Variants in DOCK10 observed in about 807,000 individuals in gnomAD.
DOCK10 encodes dedicator of cytokinesis 10, also known as dedicator of cytokinesis protein 10.
Under a neutral mutation model 280.1 loss-of-function variants are expected in DOCK10, and 145 were observed. The ratio of observed to expected loss-of-function variants is 0.52; its 90% CI spans 0.45 to 0.59. The LOEUF is 0.59. Ranked by LOEUF, DOCK10 falls within the 20% of genes least tolerant of loss-of-function variation. DOCK10 has a pLI of 0.00. For missense variants in DOCK10, 2,368 were observed against 2,651.7 expected, an observed-to-expected ratio of 0.89 and a Z score of 2.35; for synonymous variants, 915 against 942.2, an observed-to-expected ratio of 0.97 and a Z score of 0.53.
intron 1 of DOCK10, among the ~76,000 whole-genome samples, chr2:224,959,285 A>G (rs1704226102): frequency 6.6e-6 from 1 of 152,176 alleles, no homozygotes; most frequent in Admixed American, 6.5e-5. Flanking sequence ...CCTCAGGCAA[A>G]AACAGTAATC....
chr2:225,036,843 T>C (rs1690272856), intron 1 of DOCK10, among the ~76,000 whole-genome samples: 1 of 152,178 alleles, frequency 6.6e-6, no homozygotes, highest in Non-Finnish European at 1.5e-5. Flanking sequence ...TTAATAGTGA[T>C]GTATTTTATT....
intron 47 of DOCK10, among the ~76,000 whole-genome samples, 189 bp downstream of exon 47, chr2:224,792,785 T>G (rs1692289391): frequency 6.6e-6 from 1 of 152,252 alleles, no homozygotes; most frequent in South Asian, 2.1e-4. Context: ...TTTTCAGTTA[T>G]TTAAATTTTA....
chr2:224,958,190 C>T (rs952018979), intron 1 of DOCK10, among the ~76,000 whole-genome samples: 6 of 152,180 alleles, frequency 3.9e-5, no homozygotes, highest in African/African-American at 1.4e-4. Context: ...TAATAAAATG[C>T]TCAGTGGATG....
intron 7 of DOCK10, among the ~76,000 whole-genome samples, chr2:224,880,812 T>C (rs1201641866): frequency 6.6e-6 from 1 of 152,196 alleles, no homozygotes. Flanking sequence ...TATTTAATTA[T>C]ACCTATTATG....
Position 224,874,248 on chromosome 2 carries a change from G to A in DOCK10, c.1101+18C>T. ...TATGGATCAAGTTCATATCTGCTTA[G>A]AAAAAATTTTGACTTACATCTATGT... On this transcript the variant is annotated intron_variant, in intron 10 of 55. Transcript: ENST00000258390. 5 of 1,609,502 alleles carry A rather than the reference G, an allele frequency of 3.1e-6. No individual in the cohort carries two copies. The highest frequency in any genetic ancestry group is 3.4e-6 in the Non-Finnish European group (4 of 1,177,744).
intron 1 of DOCK10, among the ~76,000 whole-genome samples, chr2:224,943,657 G>C (rs572907077): frequency 6.6e-6 from 1 of 150,962 alleles, no homozygotes; most frequent in South Asian, 2.1e-4. Context: ...ATCTTTATTT[G>C]TTGGGCATTT....
intron 3 of DOCK10, among the ~76,000 whole-genome samples, chr2:224,905,692 A>T (rs981208364): frequency 6.6e-6 from 1 of 152,154 alleles, no homozygotes; most frequent in Non-Finnish European, 1.5e-5. Flanking sequence ...CCCCATCTTG[A>T]TTCTTCTTTG....
rs764030668 is a variant in DOCK10 at position 224,874,035 on chromosome 2, C to T, written c.1218G>A (p.Gln406=). 3 of 1,613,364 alleles carry T rather than the reference C, an allele frequency of 1.9e-6. No individual in the cohort carries two copies. Among genetic ancestry groups the T allele is most frequent in the East Asian group, 2.2e-5 (1 of 44,844 alleles). The change falls in exon 11 of 56, where the codon CAG becomes CAA. Residue 406 remains glutamine, a synonymous_variant. Transcript: ENST00000258390. ...CATTTTCATTCTCCGTAACACATCC[C>T]TGAAGATTTGAGTTGAGGGCTTTAC... ...IICKALNSNL[Q]GCVTENENDP... is the part of the protein sequence containing the mutation.
At chr2:224,854,488 T>C (rs1696971310) in intron 16 of DOCK10, among the ~76,000 whole-genome samples, 3 of 152,076 alleles carry the variant, frequency 2.0e-5, no homozygotes. Context: ...GTGTTCAGAG[T>C]AACCCTCTGG....
At chr2:224,986,289 C>A (rs1705971864) in intron 1 of DOCK10, among the ~76,000 whole-genome samples, 2 of 152,180 alleles carry the variant, frequency 1.3e-5, no homozygotes, top group Non-Finnish European at 2.9e-5. Context: ...ACAAAATCAG[C>A]CTCAAGGGCT....
intron 1 of DOCK10, among the ~76,000 whole-genome samples, chr2:225,039,362 A>G (rs1690351673): frequency 6.6e-6 from 1 of 152,234 alleles, no homozygotes; most frequent in Admixed American, 6.5e-5. Context: ...TGATCTTCGA[A>G]TGAGTTGTCT....
At chr2:224,848,965 A>T (rs115044093) in intron 19 of DOCK10, among the ~76,000 whole-genome samples, 3,333 of 152,124 alleles carry the variant, frequency 0.022, 120 homozygotes, top group African/African-American at 0.075. Flanking sequence ...TCTTTTTTTT[A>T]AATTTAAATT....
At chr2:224,881,491 T>C (rs1275316779) in intron 7 of DOCK10, among the ~76,000 whole-genome samples, 1 of 152,364 alleles carries the variant, frequency 6.6e-6, no homozygotes, top group East Asian at 1.9e-4. Flanking sequence ...AGAATAAATG[T>C]ATGTATGTGG....
chr2:224,942,082 T>A (rs1405990426), intron 1 of DOCK10, among the ~76,000 whole-genome samples: 1 of 152,194 alleles, frequency 6.6e-6, no homozygotes, highest in African/African-American at 2.4e-5. Flanking sequence ...TAGCAAATGG[T>A]CCAGCCCATG....
intron 1 of DOCK10, among the ~76,000 whole-genome samples, chr2:224,973,194 C>T (rs1212351320): frequency 6.6e-6 from 1 of 152,180 alleles, no homozygotes; most frequent in African/African-American, 2.4e-5. Flanking sequence ...CTTGAATTCA[C>T]TCAGTGAATC....
At chr2:224,910,862 C>T (rs16866337) in intron 3 of DOCK10, among the ~76,000 whole-genome samples, 2,212 of 152,224 alleles carry the variant, frequency 0.015, 54 homozygotes, top group African/African-American at 0.05. Context: ...TTATCTTTAT[C>T]CTTAAAATCA....
At chr2:224,979,994 T>C (rs1162872126) in intron 1 of DOCK10, among the ~76,000 whole-genome samples, 1 of 151,000 alleles carries the variant, frequency 6.6e-6, no homozygotes, top group Non-Finnish European at 1.5e-5. Flanking sequence ...CAATACTTGG[T>C]GACTAATGGG....
chr2:224,774,190 T>G (rs995293271), intron 52 of DOCK10, among the ~76,000 whole-genome samples: 1 of 152,184 alleles, frequency 6.6e-6, no homozygotes, highest in African/African-American at 2.4e-5. Flanking sequence ...AGCGGGTTAC[T>G]GATCATTTCC....
chr2:224,797,185 C>T (rs2125143799), intron 42 of DOCK10, 39 bp from the exon 43 acceptor site: 1 of 1,481,190 alleles, frequency 6.8e-7, no homozygotes, highest in Non-Finnish European at 9.2e-7. Flanking sequence ...AGCAACATGC[C>T]TTCATTTTGC....
Sources: allele counts gnomAD v4.1 joint callset (sites outside exome capture counted in the v4.1 genomes callset), GRCh38; gene constraint gnomAD v4.1.1; transcripts MANE v1.5; gene names NCBI Gene and HGNC (gene_info 2026-07-23, HGNC 2026-07-21).